AIG1: variants seen among roughly 807,000 people sequenced by gnomAD.
AIG1 encodes the protein androgen induced 1.
AIG1 carries 23 observed loss-of-function variants against 31.4 expected under a neutral mutation model. That is an observed-to-expected ratio of 0.73 (90% CI 0.53 to 1.04). The LOEUF is 1.04. AIG1 is among the 50% of genes least tolerant of loss of function. The pLI, the probability that AIG1 is intolerant of heterozygous loss-of-function variation, is 0.00. For synonymous variants in AIG1, 100 were observed against 110.5 expected (o/e 0.90, Z 0.60); for missense variants, 274 against 295.0 (o/e 0.93, Z 0.52).
At chr6:143,124,820 C>T (rs1038683223) in intron 1 of AIG1, among the ~76,000 whole-genome samples, 6 of 152,076 alleles carry the variant, frequency 3.9e-5, no homozygotes, top group African/African-American at 9.7e-5. Context: ...TCTCATGAGA[C>T]TCACTCACTA....
In AIG1 at chr6:143,326,685, G is replaced by C. The variant is rs538540379; in HGVS notation, c.516-6597G>C. Among the ~76,000 whole-genome samples the C allele has an allele frequency of 3.9e-5, 6 of 152,264 alleles. No individual in the cohort carries two copies. In the East Asian group the frequency reaches 1.2e-3, roughly 29 times the overall value. The stretch of plus-strand genomic sequence containing the variant: ...TGATGGATCAGGGGAGACTTTCCCG[G>C]AGTAAGTGATAATTGATCAGTTGTA... On this transcript the variant is annotated intron_variant, in intron 4 of 5. Transcript: ENST00000357847. This position sits in a 1 kb window ranked among gnomAD's most constrained non-coding sequence, Gnocchi z 4.5.
At chr6:143,185,158 T>C (rs2128590008) in intron 3 of AIG1, among the ~76,000 whole-genome samples, 1 of 148,936 alleles carries the variant, frequency 6.7e-6, no homozygotes, top group South Asian at 2.1e-4. Context: ...ATTGTGCCAC[T>C]GCACTCCAGC....
intron 2 of AIG1, among the ~76,000 whole-genome samples, chr6:143,155,055 C>T (rs984120403): frequency 5.0e-5 from 7 of 139,046 alleles, no homozygotes; most frequent in African/African-American, 1.4e-4. Flanking sequence ...GATGTGGTTT[C>T]GCCATGTTGG....
rs1798088812 is a variant in AIG1 at position 143,291,935 on chromosome 6, A to G, written c.515+7710A>G. ...CATTTCTAAGGAATCACTTTGGCCA[A>G]TGTGTTAAGAGTGGATTGAAGGCAA... On this transcript the variant is annotated intron_variant, in intron 4 of 5. Coordinates refer to ENST00000357847, the MANE Select transcript of AIG1 (RefSeq NM_016108.4). The surrounding 1 kb of genome is among the most constrained non-coding windows in gnomAD (Gnocchi z 4.2). Among the ~76,000 whole-genome samples, 1 of 152,182 alleles carries G rather than the reference A, an allele frequency of 6.6e-6. No individual in the cohort carries two copies. Among genetic ancestry groups the G allele is most frequent in the Non-Finnish European group, 1.5e-5 (1 of 68,024 alleles).
intron 1 of AIG1, among the ~76,000 whole-genome samples, chr6:143,068,433 G>T (rs1027341585): frequency 2.6e-5 from 4 of 152,176 alleles, no homozygotes; most frequent in African/African-American, 9.7e-5. Context: ...TTCTGAGTGC[G>T]GTGGAAGCAG....
intron 1 of AIG1, among the ~76,000 whole-genome samples, chr6:143,096,696 T>C (rs1228613096): frequency 6.6e-6 from 1 of 152,238 alleles, no homozygotes; most frequent in Non-Finnish European, 1.5e-5. Context: ...GTCATGCTGA[T>C]ATGGATGGCC....
rs548879656 is a variant in AIG1 at position 143,115,701 on chromosome 6, G to A, written c.142-21134G>A. Among the ~76,000 whole-genome samples the A allele has an allele frequency of 3.9e-5, 6 of 152,326 alleles. No homozygotes were observed. In the South Asian group the frequency reaches 8.3e-4, roughly 21 times the overall value. On this transcript the variant is annotated intron_variant, in intron 1 of 5. Transcript: ENST00000357847. ...TAATATTCTGCATGAGAAGCACCAA[G>A]CAAAGGTCTTGGCACATAGTAAGCA...
chr6:143,106,122 G>C (rs1271772263), intron 1 of AIG1, among the ~76,000 whole-genome samples: 10 of 152,178 alleles, frequency 6.6e-5, no homozygotes, highest in Admixed American at 6.5e-4. Flanking sequence ...TCATCCTGGA[G>C]TAGGGCAGGC....
In AIG1 at chr6:143,329,029, T is replaced by A. The variant is rs775191052; in HGVS notation, c.516-4253T>A. 6.6e-6 allele frequency among the ~76,000 whole-genome samples: 1 copy of A among 152,164 alleles called. No individual in the cohort carries two copies. On this transcript the variant is annotated intron_variant, in intron 4 of 5. Coordinates refer to ENST00000357847, the MANE Select transcript of AIG1 (RefSeq NM_016108.4). The surrounding 1 kb of genome is among the most constrained non-coding windows in gnomAD (Gnocchi z 4.9). Reference sequence around the variant, plus strand: ...CTTTGTGCAGAGAATTGAGCCCTGATAAAAATCAAGGAAACAAATGGTGAA... The same window carrying A: ...CTTTGTGCAGAGAATTGAGCCCTGAAAAAAATCAAGGAAACAAATGGTGAA...
rs1471804998 is a variant in AIG1, at chr6:143,326,041, G to A, written c.516-7241G>A. ...CGCCACACTCATGACTCAACAGTTT[G>A]ATAGACACTGGTCTAAGTGTTCTTA... On this transcript the variant is annotated intron_variant, in intron 4 of 5. Coordinates refer to ENST00000357847, the MANE Select transcript of AIG1 (RefSeq NM_016108.4). This position sits in a 1 kb window ranked among gnomAD's most constrained non-coding sequence, Gnocchi z 4.5. Among the ~76,000 whole-genome samples, 1 of 152,154 alleles carries A rather than the reference G, an allele frequency of 6.6e-6. No individual in the cohort carries two copies. The highest frequency in any genetic ancestry group is 1.9e-4 in the East Asian group (1 of 5,194).
At chr6:143,068,615 C>T (rs9321891) in intron 1 of AIG1, among the ~76,000 whole-genome samples, 8,158 of 152,158 alleles carry the variant, frequency 0.054, 363 homozygotes, top group African/African-American at 0.12. Flanking sequence ...ATTTCAAAAG[C>T]GATACATACT....
intron 1 of AIG1, among the ~76,000 whole-genome samples, chr6:143,127,037 A>C (rs1043208820): frequency 2.0e-5 from 3 of 152,212 alleles, no homozygotes; most frequent in African/African-American, 7.2e-5. Context: ...ATCTAGACAT[A>C]TGTGACTTTT....
At chr6:143,238,122 G>A (rs971788749) in intron 3 of AIG1, among the ~76,000 whole-genome samples, 1 of 152,076 alleles carries the variant, frequency 6.6e-6, no homozygotes, top group Non-Finnish European at 1.5e-5. Flanking sequence ...TGTATTTTTA[G>A]TAGAGACGGG....
intron 1 of AIG1, among the ~76,000 whole-genome samples, chr6:143,073,763 G>C (rs1192223264): frequency 6.6e-6 from 1 of 152,208 alleles, no homozygotes; most frequent in African/African-American, 2.4e-5. Flanking sequence ...GTGGAAGCTT[G>C]TATGTTATAT....
At chr6:143,213,066 A>G (rs1421016740) in intron 3 of AIG1, among the ~76,000 whole-genome samples, 1 of 152,158 alleles carries the variant, frequency 6.6e-6, no homozygotes, top group Non-Finnish European at 1.5e-5. Flanking sequence ...ACCCCTAAAT[A>G]GCCCCTTGAA....
chr6:143,205,824 A>G (rs1791065691), intron 3 of AIG1, among the ~76,000 whole-genome samples: 1 of 152,258 alleles, frequency 6.6e-6, no homozygotes, highest in Non-Finnish European at 1.5e-5. Context: ...CCCAAACAAA[A>G]GCTTTTAATA....
chr6:143,264,858 T>G (rs1408816411), intron 3 of AIG1, among the ~76,000 whole-genome samples: 1 of 152,228 alleles, frequency 6.6e-6, no homozygotes, highest in Admixed American at 6.5e-5. Context: ...TTGAGAACTC[T>G]GAGAAGGATG....
chr6:143,270,920 G>A (rs537613611), intron 3 of AIG1, among the ~76,000 whole-genome samples: 7 of 152,138 alleles, frequency 4.6e-5, no homozygotes, highest in South Asian at 2.1e-4. Flanking sequence ...CTTGCATGTC[G>A]TGTGCTTGCG....
intron 1 of AIG1, chr6:143,061,631 C>T (rs1776269851): frequency 3.4e-6 from 1 of 289,926 alleles, no homozygotes; most frequent in South Asian, 3.3e-5. Flanking sequence ...AATTTACTTT[C>T]AACCTTTACC....
Sources: gnomAD v4.1 joint callset for allele counts (sites outside exome capture counted in the v4.1 genomes callset) on GRCh38, gnomAD v4.1.1 for gene constraint, Gnocchi (gnomAD v3.1) non-coding constraint, MANE v1.5 for transcripts, NCBI Gene and HGNC (gene_info 2026-07-23, HGNC 2026-07-21) for gene names.